Variants in CAMK1D observed in about 807,000 individuals in gnomAD.
CAMK1D encodes calcium/calmodulin dependent protein kinase ID, also known as calcium/calmodulin-dependent protein kinase type 1D.
In CAMK1D, 9 loss-of-function variants were observed where a neutral mutation model predicts 47.7. The observed-to-expected ratio is 0.19, with a 90% CI of 0.11 to 0.33. CAMK1D has a LOEUF of 0.33. CAMK1D is among the 10% of genes least tolerant of loss of function. The pLI, the probability that CAMK1D is intolerant of heterozygous loss-of-function variation, is 1.00. For synonymous variants in CAMK1D, 184 were observed against 184.9 expected (o/e 0.99, Z 0.04); for missense variants, 291 against 488.7 (o/e 0.60, Z 3.81).
At chr10:12,552,126 G>A (rs981925360) in intron 1 of CAMK1D, among the ~76,000 whole-genome samples, 2 of 152,200 alleles carry the variant, frequency 1.3e-5, no homozygotes, top group African/African-American at 2.4e-5. Flanking sequence ...CTTGCCTACC[G>A]TCAGCAAAGG....
chr10:12,723,047 C>G (rs1337800508), intron 3 of CAMK1D, among the ~76,000 whole-genome samples: 2 of 152,028 alleles, frequency 1.3e-5, no homozygotes, highest in Admixed American at 6.6e-5. Context: ...GGAGGAAGAA[C>G]TATGTGAACA....
At position 12,604,245 on chromosome 10, in the gene CAMK1D, C is replaced by T. The variant is rs763921864; in HGVS notation, c.224+50889C>T. On this transcript the variant is annotated intron_variant, in intron 2 of 10. Coordinates refer to ENST00000619168, the MANE Select transcript of CAMK1D (RefSeq NM_153498.4). ...GTACAGAATCATCGTTCATTGTGAACGAATGTCATAGAACACAGGCAATGC... is the reference window on the plus strand; with the variant it reads ...GTACAGAATCATCGTTCATTGTGAATGAATGTCATAGAACACAGGCAATGC... Among the ~76,000 whole-genome samples, 5 of 152,082 alleles carry T rather than the reference C, an allele frequency of 3.3e-5. No individual in the cohort carries two copies. The South Asian group carries it at 8.3e-4, about 25-fold the overall frequency.
At chr10:12,380,084 G>A (rs192880832) in intron 1 of CAMK1D, among the ~76,000 whole-genome samples, 18 of 151,986 alleles carry the variant, frequency 1.2e-4, no homozygotes, top group African/African-American at 3.4e-4. Context: ...GCGTGGTGGC[G>A]GGTGACTGTA....
intron 5 of CAMK1D, among the ~76,000 whole-genome samples, chr10:12,776,622 A>G (rs534292616): frequency 1.3e-5 from 2 of 152,308 alleles, no homozygotes; most frequent in African/African-American, 4.8e-5. Context: ...AAGACACCTT[A>G]TTGAATATAT....
intron 2 of CAMK1D, among the ~76,000 whole-genome samples, chr10:12,640,263 GC>G (rs1454990694): frequency 6.6e-6 from 1 of 151,712 alleles, no homozygotes; most frequent in East Asian, 1.9e-4. Flanking sequence ...GCAGAGCTTT[GC>G]CCAAGTTGCA....
intron 3 of CAMK1D, among the ~76,000 whole-genome samples, chr10:12,702,279 G>A (rs1483922857): frequency 6.6e-6 from 1 of 152,216 alleles, no homozygotes; most frequent in African/African-American, 2.4e-5. Context: ...TCAACCTCGA[G>A]GAGGTGAGGT....
intron 2 of CAMK1D, among the ~76,000 whole-genome samples, chr10:12,644,570 T>C (rs1328018752): frequency 6.6e-6 from 1 of 152,218 alleles, no homozygotes; most frequent in African/African-American, 2.4e-5. Context: ...TAGTTCATGC[T>C]TAGTGGGGTT....
intron 2 of CAMK1D, among the ~76,000 whole-genome samples, chr10:12,615,067 C>A (rs1838740690): frequency 6.6e-6 from 1 of 152,136 alleles, no homozygotes; most frequent in Admixed American, 6.5e-5. Context: ...GACTGATAAT[C>A]CATTCTGAGG....
chr10:12,443,683 A>G (rs932378591), intron 1 of CAMK1D, among the ~76,000 whole-genome samples: 1 of 151,918 alleles, frequency 6.6e-6, no homozygotes, highest in South Asian at 2.1e-4. Context: ...AGGCTGGAGT[A>G]AAGTGGAGTG....
chr10:12,459,399 A>G (rs2815611), intron 1 of CAMK1D, among the ~76,000 whole-genome samples: 32,489 of 152,042 alleles, frequency 0.21, 3,623 homozygotes, highest in African/African-American at 0.29. Flanking sequence ...GACTATAACC[A>G]TAGATTATTA....
In CAMK1D at chr10:12,349,875, C is replaced by T. The variant is rs1450620313; in HGVS notation, c.57C>T (p.Ile19=). ...SSSWKKQAED[I]KKIFEFKETL... ...CCTGGAAAAAGCAAGCTGAAGACAT[C>T]AAGAAGATCTTCGAGTTCAAAGAGA... The change falls in exon 1 of 11, where the codon ATC becomes ATT. Residue 19 remains isoleucine, a synonymous_variant. Transcript: ENST00000619168. The T allele has an allele frequency of 3.2e-6, 5 of 1,550,032 alleles. No individual in the cohort carries two copies. The South Asian group carries it at 4.6e-5, about 14-fold the overall frequency.
intron 1 of CAMK1D, among the ~76,000 whole-genome samples, chr10:12,441,703 C>T (rs895643401): frequency 2.6e-5 from 4 of 151,842 alleles, no homozygotes; most frequent in South Asian, 4.2e-4. Context: ...CCCAGCTACT[C>T]GGGAGGCCAA....
intron 5 of CAMK1D, among the ~76,000 whole-genome samples, chr10:12,771,405 A>G (rs896455042): frequency 3.9e-5 from 6 of 152,362 alleles, no homozygotes; most frequent in Non-Finnish European, 8.8e-5. Context: ...TAAAGGAGAT[A>G]CAAGGGGTAT....
intron 6 of CAMK1D, among the ~76,000 whole-genome samples, chr10:12,811,287 C>T (rs957796287): frequency 3.3e-5 from 5 of 152,074 alleles, no homozygotes; most frequent in Non-Finnish European, 5.9e-5. Flanking sequence ...TGTGAATGGG[C>T]GGCCCCATGG....
At chr10:12,800,578 C>G (rs932011658) in intron 6 of CAMK1D, among the ~76,000 whole-genome samples, 1 of 152,160 alleles carries the variant, frequency 6.6e-6, no homozygotes, top group African/African-American at 2.4e-5. Flanking sequence ...TTTCAGACCC[C>G]CATTGGGCCT....
intron 1 of CAMK1D, among the ~76,000 whole-genome samples, chr10:12,452,243 A>G (rs1427362985): frequency 2.6e-5 from 4 of 152,128 alleles, no homozygotes; most frequent in Non-Finnish European, 5.9e-5. Context: ...AAAAATGGTA[A>G]TATGTATTAT....
chr10:12,461,152 G>A (rs1238102167), intron 1 of CAMK1D, among the ~76,000 whole-genome samples: 1 of 152,200 alleles, frequency 6.6e-6, no homozygotes, highest in Non-Finnish European at 1.5e-5. Flanking sequence ...ATTGCTGCCA[G>A]TGAGACAACC....
At chr10:12,576,817 T>C (rs1588652582) in intron 2 of CAMK1D, among the ~76,000 whole-genome samples, 2 of 152,184 alleles carry the variant, frequency 1.3e-5, no homozygotes, top group East Asian at 3.9e-4. Context: ...TCTGTATTTC[T>C]AGAGCTTTGT....
intron 1 of CAMK1D, among the ~76,000 whole-genome samples, chr10:12,395,906 AAC>A (rs1838931122): frequency 1.3e-5 from 2 of 151,662 alleles, no homozygotes; most frequent in East Asian, 4.0e-4. Context: ...CAGCCTGGGC[AAC>A]AGAGTGAGAC....
Sources: gnomAD v4.1 joint callset for allele counts (sites outside exome capture counted in the v4.1 genomes callset) on GRCh38, gnomAD v4.1.1 for gene constraint, MANE v1.5 for transcripts, NCBI Gene and HGNC (gene_info 2026-07-23, HGNC 2026-07-21) for gene names.